CDK17: variants seen among roughly 807,000 people sequenced by gnomAD.
CDK17 encodes cyclin-dependent kinase 17.
Under a neutral mutation model 77.6 loss-of-function variants are expected in CDK17, and 24 were observed. The observed-to-expected ratio is 0.31, with a 90% CI of 0.22 to 0.44. CDK17 has a LOEUF of 0.44. Among genes scored for constraint, CDK17 ranks in the 20% least tolerant of loss-of-function variants. The pLI is 1.00. For missense variants in CDK17, 429 were observed against 622.5 expected, an observed-to-expected ratio of 0.69 and a Z score of 3.31; for synonymous variants, 203 against 210.4, an observed-to-expected ratio of 0.96 and a Z score of 0.30.
intron 1 of CDK17, among the ~76,000 whole-genome samples, chr12:96,376,306 G>T (rs1277811496): frequency 2.6e-5 from 4 of 152,174 alleles, no homozygotes; most frequent in Non-Finnish European, 2.9e-5. Flanking sequence ...ACCTTGGTAT[G>T]TCTGTCCAAT....
chr12:96,281,508 A>G (rs1242517000), intron 15 of CDK17, among the ~76,000 whole-genome samples: 1 of 152,206 alleles, frequency 6.6e-6, no homozygotes, highest in Non-Finnish European at 1.5e-5. Context: ...AGCTGGGATT[A>G]CAGGTACGCG....
chr12:96,318,019 T>C (rs1308862653), intron 3 of CDK17, among the ~76,000 whole-genome samples: 2 of 151,688 alleles, frequency 1.3e-5, no homozygotes, highest in South Asian at 2.1e-4. Context: ...GGATAAAGAG[T>C]CAAGACTCAT....
chr12:96,360,804 C>T (rs1253809594), intron 1 of CDK17, among the ~76,000 whole-genome samples: 1 of 152,218 alleles, frequency 6.6e-6, no homozygotes, highest in African/African-American at 2.4e-5. Flanking sequence ...TTAATGTGAT[C>T]TCCTGGACTT....
At chr12:96,347,625 AGGGAGGGGAGGGGAGGGGAG>A (rs1392418893) in intron 1 of CDK17, among the ~76,000 whole-genome samples, 2 of 7,938 alleles carry the variant, frequency 2.5e-4, no homozygotes, top group African/African-American at 1.4e-3. Context: ...AGGGAGGGGA[AGGGAGGGGAGGGGAGGGGAG>A]GGGAAGGGGA....
At chr12:96,384,007 G>A (rs1270869882) in intron 1 of CDK17, among the ~76,000 whole-genome samples, 2 of 151,902 alleles carry the variant, frequency 1.3e-5, no homozygotes, top group African/African-American at 4.8e-5. Flanking sequence ...TGCAAACTAT[G>A]CATCCAACAA....
intron 1 of CDK17, among the ~76,000 whole-genome samples, chr12:96,359,199 A>T (rs1043754339): frequency 9.8e-5 from 15 of 152,288 alleles, no homozygotes; most frequent in African/African-American, 3.6e-4. Flanking sequence ...TTCATAATTT[A>T]TACAGATTAT....
Position 96,395,600 on chromosome 12 carries a change from C to T in CDK17, c.-30+4386G>A, listed in dbSNP as rs1565851003. On this transcript the variant is annotated intron_variant, in intron 1 of 16. Coordinates refer to ENST00000261211, the MANE Select transcript of CDK17 (RefSeq NM_002595.5). ...GGAGGTAAATAATTAACGTTAATTT[C>T]TTTCACAAAGTTTATGTTATGGACT... Among the ~76,000 whole-genome samples, 5 of 152,176 alleles carry T rather than the reference C, an allele frequency of 3.3e-5. No homozygotes were observed. In the South Asian group the frequency reaches 8.3e-4, roughly 25 times the overall value.
chr12:96,291,815 C>T (rs1358682690), intron 10 of CDK17, among the ~76,000 whole-genome samples: 1 of 151,998 alleles, frequency 6.6e-6, no homozygotes, highest in Non-Finnish European at 1.5e-5. Flanking sequence ...GACAGGGTTT[C>T]ACCATGTTGG....
chr12:96,380,516 C>T lies in CDK17; in HGVS notation c.-30+19470G>A, dbSNP rs1451500192. On this transcript the variant is annotated intron_variant, in intron 1 of 16. Coordinates refer to ENST00000261211, the MANE Select transcript of CDK17 (RefSeq NM_002595.5). ...ATCTTGGCCAGACTGGTCTTGAACT[C>T]CTGACCTCGTGATCCACCCGCCTCA... Among the ~76,000 whole-genome samples, 5 of 152,076 alleles carry T rather than the reference C, an allele frequency of 3.3e-5. No homozygotes were observed. In the East Asian group the frequency reaches 9.7e-4, roughly 29 times the overall value.
At chr12:96,377,245 G>C (rs745776993) in intron 1 of CDK17, among the ~76,000 whole-genome samples, 4 of 152,114 alleles carry the variant, frequency 2.6e-5, no homozygotes, top group Non-Finnish European at 4.4e-5. Context: ...GAATGGTGAA[G>C]ACTTTTCTAA....
intron 3 of CDK17, among the ~76,000 whole-genome samples, chr12:96,323,559 A>T (rs1157425633): frequency 3.3e-5 from 5 of 152,228 alleles, no homozygotes; most frequent in Non-Finnish European, 2.9e-5. Flanking sequence ...ATATTTAAAG[A>T]CATAATGACA....
chr12:96,348,393 A>C (rs926048510), intron 1 of CDK17, among the ~76,000 whole-genome samples: 3 of 151,940 alleles, frequency 2.0e-5, no homozygotes, highest in African/African-American at 7.2e-5. Context: ...ACGTCAAGGC[A>C]AGTACCTGTA....
At chr12:96,316,159 A>T (rs1245544834) in intron 3 of CDK17, among the ~76,000 whole-genome samples, 2 of 152,202 alleles carry the variant, frequency 1.3e-5, no homozygotes, top group Non-Finnish European at 2.9e-5. Flanking sequence ...GCAAGGGGTC[A>T]GGGAGTTCTC....
intron 5 of CDK17, among the ~76,000 whole-genome samples, chr12:96,307,998 A>C (rs963556162): frequency 1.1e-4 from 16 of 152,174 alleles, no homozygotes; most frequent in African/African-American, 3.9e-4. Flanking sequence ...GTGAATGTCA[A>C]ATAACAATGT....
chr12:96,322,336 T>C (rs1565819484), intron 3 of CDK17, among the ~76,000 whole-genome samples: 1 of 152,338 alleles, frequency 6.6e-6, no homozygotes, highest in East Asian at 1.9e-4. Flanking sequence ...GTCTTAGTTC[T>C]AGAACAAGGG....
intron 7 of CDK17, 35 bp from the exon 8 acceptor site, chr12:96,297,756 G>T: frequency 8.7e-7 from 1 of 1,145,688 alleles, no homozygotes; most frequent in Non-Finnish European, 1.3e-6. Flanking sequence ...TTTAGTCTGT[G>T]GCAGTCTTTA....
At chr12:96,341,191 A>G (rs777116769) in intron 1 of CDK17, among the ~76,000 whole-genome samples, 6 of 152,164 alleles carry the variant, frequency 3.9e-5, no homozygotes, top group Non-Finnish European at 8.8e-5. Context: ...AAGATAGATT[A>G]AACAGTGTGA....
intron 2 of CDK17, among the ~76,000 whole-genome samples, chr12:96,327,102 G>A (rs1952901096): frequency 1.3e-5 from 2 of 152,102 alleles, no homozygotes; most frequent in Non-Finnish European, 2.9e-5. Flanking sequence ...AATCAACACA[G>A]GTGAGGACAT....
At chr12:96,283,259 A>T (rs1952199708) in intron 14 of CDK17, among the ~76,000 whole-genome samples, 1 of 152,116 alleles carries the variant, frequency 6.6e-6, no homozygotes, top group South Asian at 2.1e-4. Flanking sequence ...TTTGGAGGGA[A>T]ATATGAATGG....
Sources: allele counts gnomAD v4.1 joint callset (sites outside exome capture counted in the v4.1 genomes callset), GRCh38; gene constraint gnomAD v4.1.1; transcripts MANE v1.5; gene names NCBI Gene and HGNC (gene_info 2026-07-23, HGNC 2026-07-21).